Variants in PHF2 observed in about 807,000 individuals in gnomAD.
The protein encoded by PHF2 is lysine-specific demethylase PHF2.
Under a neutral mutation model 120.5 loss-of-function variants are expected in PHF2, and 27 were observed. The observed-to-expected ratio is 0.22, with a 90% CI of 0.17 to 0.31. The LOEUF (loss-of-function observed/expected upper bound fraction) is 0.31. Among genes scored for constraint, PHF2 ranks in the 10% least tolerant of loss-of-function variants. The pLI, the probability that PHF2 is intolerant of heterozygous loss-of-function variation, is 1.00. For missense variants in PHF2, 1,024 were observed against 1,434.8 expected (o/e 0.71, Z 4.63); for synonymous variants, 568 against 592.5 (o/e 0.96, Z 0.60).
At chr9:93,668,619 G>A (rs1826725369) in intron 17 of PHF2, among the ~76,000 whole-genome samples, 1 of 152,178 alleles carries the variant, frequency 6.6e-6, no homozygotes, top group Non-Finnish European at 1.5e-5. Context: ...TGGAGATGGG[G>A]ACAGAGGTGG....
chr9:93,625,572 G>C (rs1004039932), intron 1 of PHF2, among the ~76,000 whole-genome samples: 18 of 149,300 alleles, frequency 1.2e-4, no homozygotes, highest in African/African-American at 4.0e-4. Flanking sequence ...CTGCTTCCTG[G>C]GTTCAAGTGA....
At chr9:93,616,343 CT>C (rs1162648195) in intron 1 of PHF2, among the ~76,000 whole-genome samples, 3 of 152,186 alleles carry the variant, frequency 2.0e-5, no homozygotes, top group Non-Finnish European at 4.4e-5. Context: ...CTTTTTAAAG[CT>C]TTTGATACAT....
intron 1 of PHF2, among the ~76,000 whole-genome samples, chr9:93,581,538 G>C (rs1321079935): frequency 6.6e-6 from 1 of 152,182 alleles, no homozygotes; most frequent in East Asian, 1.9e-4. Flanking sequence ...AAGAATGTCA[G>C]GCCAGCTTCT....
In PHF2 at chr9:93,654,448, G is replaced by A. The variant is rs139132481; in HGVS notation, c.825G>A (p.Ser275=). 728 of 1,613,808 alleles carry A rather than the reference G, an allele frequency of 4.5e-4. 7 individuals carry two copies. Among genetic ancestry groups the A allele is most frequent in the African/African-American group, 5.7e-4 (43 of 75,030 alleles). The change falls in exon 7 of 22, where the codon TCG becomes TCA. Residue 275 remains serine, a synonymous_variant. Transcript: ENST00000359246. ...EKTFYLIRPA[S]ANISLYERWR... Reference sequence around the variant, plus strand: ...CCTTCTATCTCATCAGGCCGGCCTCGGCCAACATCTCCCTGTATGAGCGCT... The same window carrying A: ...CCTTCTATCTCATCAGGCCGGCCTCAGCCAACATCTCCCTGTATGAGCGCT...
At chr9:93,658,005 C>T in intron 9 of PHF2, 140 bp from the exon 10 acceptor site, 2 of 615,692 alleles carry the variant, frequency 3.2e-6, no homozygotes, top group Non-Finnish European at 5.8e-6. Flanking sequence ...GAACTGTTGG[C>T]AGTTGAGCTG....
chr9:93,607,149 CTTTG>C (rs1181466964), intron 1 of PHF2, among the ~76,000 whole-genome samples: 2 of 152,174 alleles, frequency 1.3e-5, no homozygotes, highest in African/African-American at 4.8e-5. Flanking sequence ...AGTCCTCTGA[CTTTG>C]TTTTTCTCCA....
intron 1 of PHF2, among the ~76,000 whole-genome samples, chr9:93,592,189 C>A (rs548639982): frequency 6.6e-5 from 10 of 152,314 alleles, no homozygotes; most frequent in African/African-American, 2.4e-4. Flanking sequence ...TGGGGCCACA[C>A]TTCTGTTCCT....
intron 1 of PHF2, among the ~76,000 whole-genome samples, chr9:93,599,956 C>T (rs575655149): frequency 6.6e-6 from 1 of 152,348 alleles, no homozygotes; most frequent in South Asian, 2.1e-4. Flanking sequence ...GATAGGACGT[C>T]CACGGCCCTC....
chr9:93,598,146 A>G (rs985137088), intron 1 of PHF2, among the ~76,000 whole-genome samples: 7 of 152,220 alleles, frequency 4.6e-5, no homozygotes, highest in African/African-American at 1.7e-4. Context: ...GAGGCCTGCC[A>G]TCTGCCTGGT....
In PHF2 at chr9:93,601,174, G is replaced by A. The variant is rs73651272; in HGVS notation, c.98+24303G>A. Among the ~76,000 whole-genome samples the A allele has an allele frequency of 5.1e-3, 771 of 152,318 alleles. 4 individuals carry two copies. The highest frequency in any genetic ancestry group is 0.016 in the African/African-American group (649 of 41,560). On this transcript the variant is annotated intron_variant, in intron 1 of 21. Transcript: ENST00000359246. ...TCCCCTGCTATTTGTGTTCAAGAGT[G>A]TACAGAGCTTTGCATTCCCATCTAC...
chr9:93,622,242 G>T (rs1806524), intron 1 of PHF2, among the ~76,000 whole-genome samples: 44,716 of 152,156 alleles, frequency 0.29, 7,737 homozygotes, highest in Non-Finnish European at 0.39. Context: ...TTTGGGCTTG[G>T]GGTCTGGTCA....
At chr9:93,639,468 A>G (rs1826141603) in intron 3 of PHF2, among the ~76,000 whole-genome samples, 2 of 152,008 alleles carry the variant, frequency 1.3e-5, no homozygotes, top group South Asian at 4.2e-4. Context: ...GTTTTTTTTT[A>G]GAGGGTTCCT....
chr9:93,632,886 C>T (rs1826023811), intron 2 of PHF2, among the ~76,000 whole-genome samples: 1 of 152,184 alleles, frequency 6.6e-6, no homozygotes, highest in Non-Finnish European at 1.5e-5. Context: ...GTTCTAGCAC[C>T]TTCCACCAGT....
In PHF2 at chr9:93,645,734, G is replaced by A. The variant is rs749475780; in HGVS notation, c.405G>A (p.Leu135=). ...TCCTCGTCCCTAAGAAAGACGGGCT[G>A]GGTCTGGCTGTCCCGGCCCCCACGT... ...EPILVPKKDG[L]GLAVPAPTFY... Residue 135 remains leucine (L), a synonymous_variant, in exon 4 of 22, where the codon CTG becomes CTA. Transcript: ENST00000359246. 2 of 1,611,766 alleles carry A rather than the reference G, an allele frequency of 1.2e-6. No individual in the cohort carries two copies. The highest frequency in any genetic ancestry group is 1.7e-6 in the Non-Finnish European group (2 of 1,179,394).
chr9:93,641,099 C>G (rs1826165528), intron 3 of PHF2, among the ~76,000 whole-genome samples: 1 of 152,142 alleles, frequency 6.6e-6, no homozygotes, highest in Admixed American at 6.5e-5. Context: ...TGTAGAGTCT[C>G]TGGGCTGTGA....
chr9:93,585,468 G>A (rs1031389742), intron 1 of PHF2, among the ~76,000 whole-genome samples: 3 of 152,250 alleles, frequency 2.0e-5, no homozygotes, highest in Non-Finnish European at 4.4e-5. Context: ...CTCTGTGTGG[G>A]CAGCACGTGG....
intron 3 of PHF2, 41 bp downstream of exon 3, chr9:93,636,566 G>A: frequency 7.6e-7 from 1 of 1,319,582 alleles, no homozygotes; most frequent in Non-Finnish European, 1.1e-6. Context: ...CTGCAGCCAG[G>A]GGATGCACAC....
intron 1 of PHF2, among the ~76,000 whole-genome samples, chr9:93,595,866 G>A (rs1825322161): frequency 6.6e-6 from 1 of 152,190 alleles, no homozygotes; most frequent in Non-Finnish European, 1.5e-5. Flanking sequence ...CCCTGAGTGG[G>A]CAAATTTATA....
intron 1 of PHF2, among the ~76,000 whole-genome samples, chr9:93,591,643 G>T (rs1220445673): frequency 6.6e-6 from 1 of 152,098 alleles, no homozygotes; most frequent in Non-Finnish European, 1.5e-5. Context: ...ATTCAGCTTC[G>T]ATCCTAGGAA....
Sources: allele counts gnomAD v4.1 joint callset (sites outside exome capture counted in the v4.1 genomes callset), GRCh38; gene constraint gnomAD v4.1.1; transcripts MANE v1.5; gene names NCBI Gene and HGNC (gene_info 2026-07-23, HGNC 2026-07-21).